ZNF773: variants seen among roughly 807,000 people sequenced by gnomAD.
The protein encoded by ZNF773 is zinc finger protein 419B.
Under a neutral mutation model 12.8 loss-of-function variants are expected in ZNF773, and 11 were observed. The ratio of observed to expected loss-of-function variants is 0.86; its 90% confidence interval spans 0.54 to 1.42. The LOEUF is 1.42. ZNF773 is among the 40% of genes most tolerant of loss of function. The probability of loss-of-function intolerance (pLI) is 0.00; values close to 1 mark genes in which losing one functional copy is unlikely to be tolerated. For synonymous variants in ZNF773, 175 were observed against 178.4 expected (o/e 0.98, Z 0.15); for missense variants, 518 against 527.2 (o/e 0.98, Z 0.17).
rs571200340 is a variant in ZNF773, at chr19:57,503,836, C to T, written c.34-821C>T. On this transcript the variant is annotated intron_variant, in intron 1 of 3. Coordinates refer to ENST00000282292, the MANE Select transcript of ZNF773 (RefSeq NM_198542.3). ...CCACCCCCAGGTTAATTTTGTATTT[C>T]GGGTAGAGACAGGGTTTCTCCATGT... Among the ~76,000 whole-genome samples, 7 of 152,014 alleles carry T rather than the reference C, an allele frequency of 4.6e-5. No homozygotes were observed. In the South Asian group the frequency reaches 6.3e-4, roughly 14 times the overall value.
rs766178824 is a variant in ZNF773 at position 57,500,105 on chromosome 19, C to T, written c.25C>T (p.Pro9Ser). Reference sequence around the variant, plus strand: ...GATGGCGGCGGCCACGCTGAGGGACCCCGCTCAGGTGAGCGCCGCGTCCTC... The same window carrying T: ...GATGGCGGCGGCCACGCTGAGGGACTCCGCTCAGGTGAGCGCCGCGTCCTC... MAAATLRD[P>S]AQQGYVTFED... The change falls in exon 1 of 4, where the codon CCC (proline) becomes TCC (serine). Residue 9 changes from proline to serine, a missense_variant. Transcript: ENST00000282292. 3 of 1,605,478 alleles carry T rather than the reference C, an allele frequency of 1.9e-6. No individual in the cohort carries two copies. The Admixed American group carries it at 5.0e-5, about 27-fold the overall frequency.
chr19:57,507,990 AAT>A lies in ZNF773; in HGVS notation c.*567_*568del. 5.2e-6 allele frequency: 1 copy of A among 192,704 alleles called. No homozygotes were observed. Among genetic ancestry groups the A allele is most frequent in the African/African-American group, 2.4e-5 (1 of 41,678 alleles). The allele number at this position is 192,704 out of a possible 1,614,324, so 11.9% of individuals were successfully genotyped here. On this transcript the variant is annotated 3_prime_UTR_variant, in exon 4 of 4. Transcript: ENST00000282292. ...TCTGTCTAAAAAAAAAAAAAAAAAA[AAT>A]TAGCCCGGCGTGGTGGCAGGCAACT...
chr19:57,500,021 G>A lies in ZNF773; in HGVS notation c.-60G>A. ...TCAGAGGCGGGTCTGAGGCTCGGTG[G>A]CGGCGCCCAGGGTGGCCCGGGCCCT... On this transcript the variant is annotated 5_prime_UTR_variant, in exon 1 of 4. Transcript: ENST00000282292. The A allele has an allele frequency of 6.5e-7, 1 of 1,532,624 alleles. No individual in the cohort carries two copies. Among genetic ancestry groups the A allele is most frequent in the Non-Finnish European group, 8.8e-7 (1 of 1,139,828 alleles). The allele number at this position is 1,532,624 out of a possible 1,614,324, so 94.9% of individuals were successfully genotyped here.
downstream of ZNF773, chr19:57,517,207 T>C (rs950523169): frequency 7.9e-5 from 12 of 152,350 alleles, 1 homozygote; most frequent in Middle Eastern, 0.017. Flanking sequence ...GGGTAAACAA[T>C]GCCCAATCGA....
chr19:57,500,858 T>A (rs1360499872), intron 1 of ZNF773, among the ~76,000 whole-genome samples: 1 of 152,076 alleles, frequency 6.6e-6, no homozygotes, highest in Non-Finnish European at 1.5e-5. Flanking sequence ...AGGGAGAATC[T>A]TAAAGTTTTC....
chr19:57,510,663 G>A (rs1306176396), downstream of ZNF773, among the ~76,000 whole-genome samples: 1 of 152,074 alleles, frequency 6.6e-6, no homozygotes, highest in Non-Finnish European at 1.5e-5. Flanking sequence ...AAAAAGGCCA[G>A]TGTATACAAA....
chr19:57,511,060 T>TTTATTTA (rs2089790879), downstream of ZNF773, among the ~76,000 whole-genome samples: 2 of 148,296 alleles, frequency 1.3e-5, no homozygotes, highest in South Asian at 2.1e-4. Flanking sequence ...TATTTATTTT[T>TTTATTTA]TTTTTTTTTG....
At chr19:57,501,224 T>TATATAGCAG (rs2123242870) in intron 1 of ZNF773, among the ~76,000 whole-genome samples, 1 of 151,636 alleles carries the variant, frequency 6.6e-6, no homozygotes, top group East Asian at 1.9e-4. Context: ...TTCAGGGGAG[T>TATATAGCAG]ATATAGCAGG....
In ZNF773 at chr19:57,507,378, C is replaced by T. The variant is rs373584153; in HGVS notation, c.1283C>T (p.Ser428Phe). The part of the protein sequence containing the change: ...RECGKFFRHS[S>F]SLVKHRRIHT... ...TGTGGGAAATTTTTTCGCCACAGCT[C>T]CAGTCTTGTTAAACATCGAAGGATT... is the stretch of plus-strand genomic sequence containing the variant. The change falls in exon 4 of 4, where the codon TCC (serine) becomes TTC (phenylalanine). Residue 428 changes from serine (S) to phenylalanine (F), a missense_variant. Physicochemically the swap from Ser to Phe is radical, Grantham distance 155. Transcript: ENST00000282292. 3 of 1,610,884 alleles carry T rather than the reference C, an allele frequency of 1.9e-6. No individual in the cohort carries two copies. In the African/African-American group the frequency reaches 4.0e-5, roughly 22 times the overall value.
downstream of ZNF773, among the ~76,000 whole-genome samples, chr19:57,511,136 G>GC (rs1219026434): frequency 3.3e-5 from 5 of 150,858 alleles, no homozygotes; most frequent in Admixed American, 1.3e-4. Flanking sequence ...TGCTGTGTCT[G>GC]CCCCCTGGGA....
downstream of ZNF773, among the ~76,000 whole-genome samples, chr19:57,511,397 A>G (rs1372640326): frequency 6.6e-6 from 1 of 152,176 alleles, no homozygotes; most frequent in Non-Finnish European, 1.5e-5. Flanking sequence ...TATGACTTCA[A>G]GACTTATGAA....
At chr19:57,513,787 T>A (rs1641751622), downstream of ZNF773, 2 of 152,232 alleles carry the variant, frequency 1.3e-5, no homozygotes, top group South Asian at 4.1e-4. Context: ...TGCTACATGA[T>A]TTGAGAGCTA....
downstream of ZNF773, chr19:57,513,585 T>A (rs1423399652): frequency 6.6e-6 from 1 of 152,258 alleles, no homozygotes; most frequent in Admixed American, 6.5e-5. Flanking sequence ...TTGATATTTC[T>A]CCTCCACCCA....
chr19:57,508,370 G>A, downstream of ZNF773: 1 of 759,518 alleles, frequency 1.3e-6, no homozygotes, highest in Non-Finnish European at 2.0e-6. Context: ...TGAGTTTGGA[G>A]TTGGGGGAGG....
At chr19:57,500,540 G>C (rs1490693347) in intron 1 of ZNF773, among the ~76,000 whole-genome samples, 2 of 151,932 alleles carry the variant, frequency 1.3e-5, no homozygotes, top group Non-Finnish European at 2.9e-5. Context: ...GGTAAATTCA[G>C]TAGACTAGTG....
chr19:57,507,142 T>C lies in ZNF773; in HGVS notation c.1047T>C (p.His349=), dbSNP rs2089748171. The change falls in exon 4 of 4, where the codon CAT becomes CAC. Residue 349 remains histidine (H), a synonymous_variant. Transcript: ENST00000282292. ...GCCACAAGTCCAGCCTTATCAATCA[T>C]TGGCGTGTTCACACTGGAGAAAGGC... ...FYSHKSSLIN[H]WRVHTGERPY... 1.9e-6 allele frequency: 3 copies of C among 1,613,458 alleles called. No individual in the cohort carries two copies. Among genetic ancestry groups the C allele is most frequent in the Admixed American group, 1.7e-5 (1 of 59,974 alleles).
Position 57,508,095 on chromosome 19 carries a change from C to G in ZNF773, c.*671C>G. On this transcript the variant is annotated 3_prime_UTR_variant, in exon 4 of 4. Transcript: ENST00000282292. ...GGCGGAGGTTGCATTGAGCCGAGAT[C>G]ACGCCACTGCACTCCAGCTTGGGTG... 4.8e-6 allele frequency: 4 copies of G among 828,616 alleles called. No homozygotes were observed. The highest frequency in any genetic ancestry group is 5.8e-6 in the Non-Finnish European group (4 of 692,474). 51.3% of individuals were successfully genotyped at this position (828,616 alleles called of 1,614,324 possible). A position where few individuals can be genotyped will look rare whatever the true frequency, so the allele number is the denominator to read the frequency against.
downstream of ZNF773, among the ~76,000 whole-genome samples, chr19:57,509,879 A>G (rs1388625656): frequency 6.6e-6 from 1 of 152,246 alleles, no homozygotes; most frequent in Non-Finnish European, 1.5e-5. Flanking sequence ...TATTAAAGGA[A>G]GAAGTAATAC....
At position 57,500,068 on chromosome 19, in the gene ZNF773, G is replaced by T; in HGVS notation, c.-13G>T. 1 of 1,596,620 alleles carries T rather than the reference G, an allele frequency of 6.3e-7. No individual in the cohort carries two copies. Among genetic ancestry groups the T allele is most frequent in the Non-Finnish European group, 8.5e-7 (1 of 1,173,434 alleles). On this transcript the variant is annotated 5_prime_UTR_variant, in exon 1 of 4. Transcript: ENST00000282292. ...CCCTTTCCTCGGTCGTTGTCTCACC[G>T]CCACAGGCTCCGATGGCGGCGGCCA...
Sources: allele counts gnomAD v4.1 joint callset (sites outside exome capture counted in the v4.1 genomes callset), GRCh38; gene constraint gnomAD v4.1.1; transcripts MANE v1.5; gene names NCBI Gene and HGNC (gene_info 2026-07-23, HGNC 2026-07-21).